Variants in LYST observed in about 807,000 individuals in gnomAD.
LYST encodes the protein lysosomal-trafficking regulator.
A neutral mutation model predicts 413.6 loss-of-function variants in LYST; 192 were observed. That is an observed-to-expected ratio of 0.46 (90% confidence interval 0.41 to 0.52). The LOEUF is 0.52. LYST is among the 20% of genes least tolerant of loss of function. LYST has a pLI of 0.00. For synonymous variants in LYST, 1,525 were observed against 1,567.3 expected (o/e 0.97, Z 0.64); for missense variants, 3,815 against 4,499.9 (o/e 0.85, Z 4.35).
intron 1 of LYST, 109 bp from the exon 2 acceptor site, chr1:235,833,776 T>C (rs1195751082): frequency 1.2e-5 from 2 of 161,330 alleles, no homozygotes; most frequent in Non-Finnish European, 2.6e-5. Flanking sequence ...AAACCACCAA[T>C]GAAATTTTTA....
intron 1 of LYST, among the ~76,000 whole-genome samples, chr1:235,849,775 CAAAAA>C (rs57262471): frequency 0.089 from 5,536 of 61,950 alleles, 529 homozygotes; most frequent in African/African-American, 0.29. Context: ...ACAATAGCTC[CAAAAA>C]AAAAAAAAAA....
chr1:235,748,176 G>A (rs1161342105), intron 28 of LYST, among the ~76,000 whole-genome samples: 1 of 152,106 alleles, frequency 6.6e-6, no homozygotes, highest in Non-Finnish European at 1.5e-5. Flanking sequence ...AAGTTCATTT[G>A]TATGTGAATT....
At chr1:235,761,646 T>C (rs1255728580) in intron 22 of LYST, among the ~76,000 whole-genome samples, 3 of 151,884 alleles carry the variant, frequency 2.0e-5, no homozygotes, top group Admixed American at 6.6e-5. Flanking sequence ...AGAATACCAA[T>C]AGGCTAAGGG....
chr1:235,746,621 A>C, intron 28 of LYST, 94 bp from the exon 29 acceptor site: 4 of 858,286 alleles, frequency 4.7e-6, no homozygotes, highest in Non-Finnish European at 3.8e-6. Flanking sequence ...CCAGACCATG[A>C]AAACAACCTT....
intron 19 of LYST, among the ~76,000 whole-genome samples, chr1:235,771,917 GTT>G (rs1215590592): frequency 2.5e-4 from 18 of 72,704 alleles, no homozygotes; most frequent in African/African-American, 6.6e-4. Context: ...TTTTTAGTTT[GTT>G]TTTTTTTTTT....
intron 11 of LYST, 29 bp from the exon 12 acceptor site, chr1:235,792,154 T>A: frequency 7.1e-7 from 1 of 1,417,406 alleles, no homozygotes; most frequent in Non-Finnish European, 9.9e-7. Flanking sequence ...AAATGAAACT[T>A]TCTAATCACG....
chr1:235,788,390 G>A (rs1336018407), intron 13 of LYST, among the ~76,000 whole-genome samples: 2 of 151,938 alleles, frequency 1.3e-5, no homozygotes, highest in African/African-American at 4.8e-5. Flanking sequence ...GTTTCACTAT[G>A]TTGGCCAGGC....
intron 10 of LYST, among the ~76,000 whole-genome samples, chr1:235,799,127 TA>T (rs1472594723): frequency 6.6e-6 from 1 of 152,130 alleles, no homozygotes; most frequent in African/African-American, 2.4e-5. Flanking sequence ...ACCCATATAC[TA>T]AATAAGTAAA....
rs537582302 is a variant in LYST, at chr1:235,670,733, C to T, written c.11039-6112G>A. On this transcript the variant is annotated intron_variant, in intron 50 of 52. Coordinates refer to ENST00000389793, the MANE Select transcript of LYST (RefSeq NM_000081.4). ...GTTGAAAGTATGTGAATGAGATGCA[C>T]AATTAAGTGCAAAGCGAGTGTGGAG... 1.1e-4 allele frequency among the ~76,000 whole-genome samples: 17 copies of T among 152,194 alleles called. No homozygotes were observed. The South Asian group carries it at 2.9e-3, about 26-fold the overall frequency.
chr1:235,720,665 A>T lies in LYST; in HGVS notation c.9556T>A (p.Tyr3186Asn). The change falls in exon 40 of 53, where the codon TAC (tyrosine) becomes AAC (asparagine). Residue 3186 changes from tyrosine to asparagine, a missense_variant. Physicochemically the swap from Tyr to Asn is moderately radical, Grantham distance 143. Coordinates refer to ENST00000389793, the MANE Select transcript of LYST (RefSeq NM_000081.4). The stretch of plus-strand genomic sequence containing the variant: ...GTGATGATTCTTTTAACTTACCTGT[A>T]TATCAACAGATCATTGAGGTCAAGT... ...ETLDLNDLLIYRNLSKPIAVQ... is the reference protein window; with the variant it reads ...ETLDLNDLLINRNLSKPIAVQ... 6.2e-7 allele frequency: 1 copy of T among 1,613,578 alleles called. No individual in the cohort carries two copies. The highest frequency in any genetic ancestry group is 8.5e-7 in the Non-Finnish European group (1 of 1,179,546).
intron 31 of LYST, chr1:235,737,916 A>ATGCT: frequency 2.8e-5 from 32 of 1,163,406 alleles, no homozygotes; most frequent in Middle Eastern, 3.6e-4. Flanking sequence ...GCTGCCGACG[A>ATGCT]GTCTGGATCT....
chr1:235,712,051 C>A lies in LYST; in HGVS notation c.9925+6G>T. ...AATATAAATTAAAAATAATTTATTG[C>A]TATACCTTCACGGTTAACTAGGAAC... On this transcript the variant is annotated splice_donor_region_variant and intron_variant, in intron 43 of 52. Coordinates refer to ENST00000389793, the MANE Select transcript of LYST (RefSeq NM_000081.4). 1 of 1,528,696 alleles carries A rather than the reference C, an allele frequency of 6.5e-7. No homozygotes were observed. Among genetic ancestry groups the A allele is most frequent in the Non-Finnish European group, 8.8e-7 (1 of 1,131,724 alleles). 94.7% of individuals were successfully genotyped at this position (1,528,696 alleles called of 1,614,324 possible). A position where few individuals can be genotyped will look rare whatever the true frequency, so the allele number is the denominator to read the frequency against.
intron 20 of LYST, among the ~76,000 whole-genome samples, chr1:235,767,799 T>C (rs1156507192): frequency 6.6e-6 from 1 of 152,150 alleles, no homozygotes; most frequent in Non-Finnish European, 1.5e-5. Flanking sequence ...TTATCCATGC[T>C]ATTGAAATCT....
chr1:235,877,854 C>T (rs1681210433), intron 1 of LYST, among the ~76,000 whole-genome samples: 1 of 39,962 alleles, frequency 2.5e-5, no homozygotes, highest in African/African-American at 2.0e-4. Flanking sequence ...ATATCTGCCA[C>T]CAAAAAAAAA....
intron 12 of LYST, among the ~76,000 whole-genome samples, chr1:235,791,407 G>A (rs1005586494): frequency 6.6e-6 from 1 of 152,134 alleles, no homozygotes; most frequent in Non-Finnish European, 1.5e-5. Flanking sequence ...ATCCAGTAAT[G>A]GGACCAGGAG....
At chr1:235,868,557 A>G (rs2103220889), upstream of LYST, among the ~76,000 whole-genome samples, 1 of 152,346 alleles carries the variant, frequency 6.6e-6, no homozygotes, top group South Asian at 2.1e-4. Context: ...ATAGATTATC[A>G]TGATTTCATT....
chr1:235,673,923 G>A (rs186037645), intron 50 of LYST, among the ~76,000 whole-genome samples: 13 of 152,268 alleles, frequency 8.5e-5, no homozygotes, highest in East Asian at 1.9e-4. Flanking sequence ...AAATAAAAGC[G>A]ATTGTTGCGC....
chr1:235,816,457 T>TAAAAAAAAAAAAAAA (rs1231395765), intron 3 of LYST, among the ~76,000 whole-genome samples: 1 of 103,412 alleles, frequency 9.7e-6, no homozygotes, highest in African/African-American at 5.1e-5. Context: ...AATAAATAAA[T>TAAAAAAAAAAAAAAA]AAAAAATAAA....
intron 50 of LYST, among the ~76,000 whole-genome samples, chr1:235,669,646 G>A (rs1258044739): frequency 6.6e-6 from 1 of 152,184 alleles, no homozygotes; most frequent in Non-Finnish European, 1.5e-5. Context: ...TCATTCACAT[G>A]ACGTGAGCAT....
Sources: gnomAD v4.1 joint callset for allele counts (sites outside exome capture counted in the v4.1 genomes callset) on GRCh38, gnomAD v4.1.1 for gene constraint, MANE v1.5 for transcripts, NCBI Gene and HGNC (gene_info 2026-07-23, HGNC 2026-07-21) for gene names.